Variants in GLP1R observed in about 807,000 individuals in gnomAD.
GLP1R encodes glucagon like peptide 1 receptor.
Under a neutral mutation model 68.4 loss-of-function variants are expected in GLP1R, and 32 were observed. That is an observed-to-expected ratio of 0.47 (90% CI 0.35 to 0.63). The LOEUF is 0.63. Among genes scored for constraint, GLP1R ranks in the 20% least tolerant of loss-of-function variants. The pLI, the probability that GLP1R is intolerant of heterozygous loss-of-function variation, is 0.00. For missense variants in GLP1R, 502 were observed against 594.9 expected, an observed-to-expected ratio of 0.84 and a Z score of 1.62; for synonymous variants, 263 against 244.4, an observed-to-expected ratio of 1.08 and a Z score of -0.71.
intron 7 of GLP1R, among the ~76,000 whole-genome samples, chr6:39,076,992 C>A (rs560048109): frequency 2.0e-5 from 3 of 152,226 alleles, no homozygotes; most frequent in Non-Finnish European, 4.4e-5. Context: ...GAGTGAGGCC[C>A]AGGCTCTACC....
intron 3 of GLP1R, among the ~76,000 whole-genome samples, chr6:39,063,242 C>A (rs1200766850): frequency 6.6e-6 from 1 of 152,158 alleles, no homozygotes; most frequent in Non-Finnish European, 1.5e-5. Context: ...CCCATCACTG[C>A]TTTTGGGGGT....
At chr6:39,062,848 A>G (rs1316804088) in intron 3 of GLP1R, among the ~76,000 whole-genome samples, 1 of 152,238 alleles carries the variant, frequency 6.6e-6, no homozygotes, top group African/African-American at 2.4e-5. Context: ...AATGGGACTA[A>G]CTGTTCCTAC....
In GLP1R at chr6:39,087,194, A is replaced by G. The variant is rs184337752; in HGVS notation, c.*1121A>G. 1.3e-5 allele frequency: 2 copies of G among 152,224 alleles called. No individual in the cohort carries two copies. Among genetic ancestry groups the G allele is most frequent in the Non-Finnish European group, 2.9e-5 (2 of 68,046 alleles). The allele number at this position is 152,224 out of a possible 1,614,324, so 9.4% of individuals were successfully genotyped here. ...CTCACTTTTCTTTATTGCTGTGAAT[A>G]GTCTGTGTGCACAATGGGCAATTCT... On this transcript the variant is annotated 3_prime_UTR_variant, in exon 13 of 13. Coordinates refer to ENST00000373256, the MANE Select transcript of GLP1R (RefSeq NM_002062.5).
intron 11 of GLP1R, 102 bp from the exon 12 acceptor site, chr6:39,080,596 G>T: frequency 1.5e-6 from 1 of 682,108 alleles, no homozygotes; most frequent in Admixed American, 2.6e-5. Context: ...GATTTGGGGA[G>T]GGGGTTGTTG....
chr6:39,066,891 CA>C (rs1425202346), intron 5 of GLP1R, among the ~76,000 whole-genome samples: 1 of 152,148 alleles, frequency 6.6e-6, no homozygotes, highest in Admixed American at 6.5e-5. Context: ...GGACACCAGG[CA>C]GCAAGAGCAG....
At chr6:39,082,650 A>G (rs1769036387) in intron 12 of GLP1R, among the ~76,000 whole-genome samples, 1 of 152,112 alleles carries the variant, frequency 6.6e-6, no homozygotes, top group African/African-American at 2.4e-5. Flanking sequence ...CAAAAACCTA[A>G]GCTCTGTGGG....
At chr6:39,069,565 G>A (rs1228030444) in intron 5 of GLP1R, among the ~76,000 whole-genome samples, 3 of 117,194 alleles carry the variant, frequency 2.6e-5, no homozygotes, top group Non-Finnish European at 6.1e-5. Flanking sequence ...CCTGGGAGGC[G>A]GAGTGAGCAG....
intron 3 of GLP1R, among the ~76,000 whole-genome samples, chr6:39,062,954 A>C (rs569088724): frequency 4.6e-5 from 7 of 152,374 alleles, no homozygotes; most frequent in African/African-American, 1.7e-4. Context: ...AGAGCAAGTA[A>C]GGAGCATGTT....
At chr6:39,084,364 T>C (rs921233776) in intron 12 of GLP1R, among the ~76,000 whole-genome samples, 1 of 152,206 alleles carries the variant, frequency 6.6e-6, no homozygotes, top group Non-Finnish European at 1.5e-5. Flanking sequence ...GGAAAAGTGC[T>C]GAAGGAGATG....
chr6:39,050,994 G>A (rs1251535036), intron 1 of GLP1R, among the ~76,000 whole-genome samples: 1 of 152,102 alleles, frequency 6.6e-6, no homozygotes, highest in Non-Finnish European at 1.5e-5. Context: ...CAGGTAGGGG[G>A]ATGGCTGAGT....
chr6:39,068,591 C>T (rs1034735469), intron 5 of GLP1R, among the ~76,000 whole-genome samples: 1 of 152,232 alleles, frequency 6.6e-6, no homozygotes, highest in African/African-American at 2.4e-5. Flanking sequence ...ACAGCTCGTG[C>T]ACTCTGTGTG....
Position 39,056,390 on chromosome 6 carries a change from C to CT in GLP1R, c.79-7_79-6insT, listed in dbSNP as rs1303487560. On this transcript the variant is annotated splice_region_variant and splice_polypyrimidine_tract_variant and intron_variant, in intron 1 of 12. Coordinates refer to ENST00000373256, the MANE Select transcript of GLP1R (RefSeq NM_002062.5). ...CCACAGGCCTCCCATATATGCCCTC[C>CT]CCCCAGGGTGCCACTGTGTCCCTCT... 6.5e-7 allele frequency: 1 copy of CT among 1,530,988 alleles called. No individual in the cohort carries two copies. The highest frequency in any genetic ancestry group is 9.0e-7 in the Non-Finnish European group (1 of 1,105,228). The allele number at this position is 1,530,988 out of a possible 1,614,324, so 94.8% of individuals were successfully genotyped here. A position where few individuals can be genotyped will look rare whatever the true frequency, so the allele number is the denominator to read the frequency against.
chr6:39,074,775 G>A (rs891818609), intron 7 of GLP1R, among the ~76,000 whole-genome samples: 1 of 152,092 alleles, frequency 6.6e-6, no homozygotes, highest in Non-Finnish European at 1.5e-5. Flanking sequence ...GAATGTTCAG[G>A]GAGCATCCTT....
rs5875654 is a variant in GLP1R at position 39,079,259 on chromosome 6, CAGAG to C, written c.1043+73_1043+76del. The C allele has an allele frequency of 4.7e-4, 514 of 1,100,332 alleles. No individual in the cohort carries two copies. Among genetic ancestry groups the C allele is most frequent in the Admixed American group, 1.4e-3 (82 of 56,962 alleles). 68.2% of individuals were successfully genotyped at this position (1,100,332 alleles called of 1,614,324 possible). On this transcript the variant is annotated intron_variant, in intron 10 of 12. Coordinates refer to ENST00000373256, the MANE Select transcript of GLP1R (RefSeq NM_002062.5). The surrounding 1 kb of genome is among the most constrained non-coding windows in gnomAD (Gnocchi z 4.5). ...TCAGCAAGTGCCCCTTTCCTTCTAG[CAGAG>C]AGAGAGAGAGAGATCCTGGGATGCT...
chr6:39,051,894 TG>T (rs57473072), intron 1 of GLP1R, among the ~76,000 whole-genome samples: 5,194 of 112,800 alleles, frequency 0.046, 337 homozygotes, highest in African/African-American at 0.16. Flanking sequence ...TGTGTGTGTG[TG>T]GGGGGGGGGG....
chr6:39,079,085 C>G lies in GLP1R; in HGVS notation c.955-27C>G, dbSNP rs746472258. The G allele has an allele frequency of 6.2e-7, 1 of 1,609,940 alleles. No individual in the cohort carries two copies. The highest frequency in any genetic ancestry group is 1.7e-5 in the Admixed American group (1 of 60,016). ...TATGATAGGGCTGGGCTGGTGCCCCCTGCCAATCCCCGGCCCCACCCCGCA... is the reference window on the plus strand; with the variant it reads ...TATGATAGGGCTGGGCTGGTGCCCCGTGCCAATCCCCGGCCCCACCCCGCA... On this transcript the variant is annotated intron_variant, in intron 9 of 12. Transcript: ENST00000373256. The surrounding 1 kb of genome is among the most constrained non-coding windows in gnomAD (Gnocchi z 4.5).
chr6:39,051,510 G>A (rs768946728), intron 1 of GLP1R, among the ~76,000 whole-genome samples: 2 of 152,138 alleles, frequency 1.3e-5, no homozygotes, highest in Non-Finnish European at 2.9e-5. Context: ...TTTCCTCCTG[G>A]ACAGGACCCA....
intron 3 of GLP1R, among the ~76,000 whole-genome samples, chr6:39,062,519 C>T (rs1213543101): frequency 6.6e-6 from 1 of 152,230 alleles, no homozygotes; most frequent in Admixed American, 6.5e-5. Context: ...GTAATGCACA[C>T]ATCTGTGCAC....
rs541433320 is a variant in GLP1R at position 39,055,494 on chromosome 6, C to T, written c.79-903C>T. ...ATGGTGGATTCTCAGTGGGATGGGT[C>T]TGTTTGGGTCTGTGTGCTGAAAAGC... is the stretch of plus-strand genomic sequence containing the variant. On this transcript the variant is annotated intron_variant, in intron 1 of 12. Coordinates refer to ENST00000373256, the MANE Select transcript of GLP1R (RefSeq NM_002062.5). Among the ~76,000 whole-genome samples the T allele has an allele frequency of 4.6e-5, 7 of 152,246 alleles. No homozygotes were observed. In the East Asian group the frequency reaches 1.2e-3, roughly 25 times the overall value.
Sources: gnomAD v4.1 joint callset for allele counts (sites outside exome capture counted in the v4.1 genomes callset) on GRCh38, gnomAD v4.1.1 for gene constraint, Gnocchi (gnomAD v3.1) non-coding constraint, MANE v1.5 for transcripts, NCBI Gene and HGNC (gene_info 2026-07-23, HGNC 2026-07-21) for gene names.